LTBP1: variants seen among roughly 807,000 people sequenced by gnomAD.
The protein encoded by LTBP1 is latent-transforming growth factor beta-binding protein 1.
Under a neutral mutation model 207.6 loss-of-function variants are expected in LTBP1, and 129 were observed. The observed-to-expected ratio is 0.62, with a 90% CI of 0.54 to 0.72. The LOEUF is 0.72. Among genes scored for constraint, LTBP1 ranks in the 30% least tolerant of loss-of-function variants. The pLI is 0.00. For missense variants in LTBP1, 2,281 were observed against 2,217.2 expected, an observed-to-expected ratio of 1.03 and a Z score of -0.58; for synonymous variants, 963 against 833.7, an observed-to-expected ratio of 1.16 and a Z score of -2.67.
At chr2:33,323,499 G>A (rs779455765) in intron 24 of LTBP1, among the ~76,000 whole-genome samples, 16 of 152,138 alleles carry the variant, frequency 1.1e-4, no homozygotes, top group Non-Finnish European at 7.4e-5. Context: ...TTACCCAGAT[G>A]TGGTGGCACA....
intron 2 of LTBP1, among the ~76,000 whole-genome samples, chr2:32,993,224 T>C (rs1396592598): frequency 1.3e-5 from 2 of 151,880 alleles, no homozygotes; most frequent in African/African-American, 2.4e-5. Context: ...GCCTGCACTT[T>C]GGCGTGGGTA....
At chr2:33,167,709 A>G (rs1030258384) in intron 5 of LTBP1, among the ~76,000 whole-genome samples, 2 of 152,234 alleles carry the variant, frequency 1.3e-5, no homozygotes, top group African/African-American at 4.8e-5. Context: ...AAGAGGCTGT[A>G]TACAACCGTG....
intron 3 of LTBP1, among the ~76,000 whole-genome samples, chr2:33,097,278 A>G (rs963842107): frequency 6.6e-6 from 1 of 152,222 alleles, no homozygotes; most frequent in Non-Finnish European, 1.5e-5. Context: ...TATTAATAAT[A>G]TAAAGCATCC....
intron 3 of LTBP1, among the ~76,000 whole-genome samples, chr2:33,104,151 T>C (rs2079920656): frequency 6.6e-6 from 1 of 152,160 alleles, no homozygotes; most frequent in African/African-American, 2.4e-5. Context: ...TGGAAAAGTT[T>C]AGTCTGTCTG....
intron 3 of LTBP1, among the ~76,000 whole-genome samples, chr2:33,107,522 A>T (rs2080133916): frequency 6.6e-6 from 1 of 152,158 alleles, no homozygotes; most frequent in Non-Finnish European, 1.5e-5. Flanking sequence ...GTCAAATGTT[A>T]ACTCTTTATA....
At chr2:33,144,733 T>A (rs1359570726) in intron 5 of LTBP1, among the ~76,000 whole-genome samples, 1 of 152,260 alleles carries the variant, frequency 6.6e-6, no homozygotes, top group African/African-American at 2.4e-5. Flanking sequence ...GCACCATTTA[T>A]TGGCATATGA....
intron 3 of LTBP1, among the ~76,000 whole-genome samples, chr2:33,038,516 C>A (rs2076032865): frequency 6.6e-6 from 1 of 152,220 alleles, no homozygotes; most frequent in South Asian, 2.1e-4. Context: ...TCTGGTCGTT[C>A]CTGGCCTGTG....
chr2:33,124,180 G>A (rs937440526), intron 4 of LTBP1, among the ~76,000 whole-genome samples: 2 of 152,178 alleles, frequency 1.3e-5, no homozygotes, highest in African/African-American at 2.4e-5. Flanking sequence ...AGGCCAAGGC[G>A]GGCAGATCAC....
intron 5 of LTBP1, among the ~76,000 whole-genome samples, chr2:33,181,739 C>G (rs1438847121): frequency 6.6e-6 from 1 of 152,214 alleles, no homozygotes; most frequent in Non-Finnish European, 1.5e-5. Context: ...CATGGCTAGC[C>G]TTGTAACCAG....
intron 2 of LTBP1, among the ~76,000 whole-genome samples, chr2:32,996,852 C>T (rs1558491337): frequency 6.6e-6 from 1 of 152,096 alleles, no homozygotes; most frequent in Non-Finnish European, 1.5e-5. Flanking sequence ...CTGCCTCCCG[C>T]ACTGCCCAGG....
At chr2:33,183,196 C>A (rs906831566) in intron 5 of LTBP1, among the ~76,000 whole-genome samples, 1 of 152,210 alleles carries the variant, frequency 6.6e-6, no homozygotes, top group Admixed American at 6.5e-5. Context: ...TCATCCTGTT[C>A]ATTACAGCCA....
rs201936680 is a variant in LTBP1, at chr2:33,215,711, C to CTTTTTTTTTTTTTTTTTTTTTTTT, written c.1702-1837_1702-1836insTTTTTTTTTTTTTTTTTTTTTTTT. On this transcript the variant is annotated intron_variant, in intron 7 of 33. Transcript: ENST00000404816. The stretch of plus-strand genomic sequence containing the variant: ...TGGATGCTAAACTTCCATTGGTTTT[C>CTTTTTTTTTTTTTTTTTTTTTTTT]TTTTGTTTTTTGTTTTTTTTTTTTG... Among the ~76,000 whole-genome samples the CTTTTTTTTTTTTTTTTTTTTTTTT allele has an allele frequency of 1.6e-5, 2 of 125,998 alleles. 1 individual carries two copies. 82.7% of individuals were successfully genotyped at this position (125,998 alleles called of 152,430 possible).
At chr2:32,996,944 G>C (rs373957239) in intron 2 of LTBP1, among the ~76,000 whole-genome samples, 1 of 152,092 alleles carries the variant, frequency 6.6e-6, no homozygotes, top group Non-Finnish European at 1.5e-5. Flanking sequence ...GAGTGCTGTG[G>C]CATAATCTTG....
intron 2 of LTBP1, among the ~76,000 whole-genome samples, chr2:33,007,206 C>T (rs1372906454): frequency 6.6e-6 from 1 of 152,174 alleles, no homozygotes; most frequent in Non-Finnish European, 1.5e-5. Flanking sequence ...GTCTCGAACT[C>T]GTGACCTCAA....
intron 3 of LTBP1, among the ~76,000 whole-genome samples, chr2:33,047,224 C>T (rs1192973180): frequency 6.6e-6 from 1 of 152,144 alleles, no homozygotes; most frequent in Non-Finnish European, 1.5e-5. Context: ...GATTTTAGAT[C>T]TTTCCTGCTT....
rs113946694 is a variant in LTBP1, at chr2:33,009,058, G to A, written c.566-11851G>A. On this transcript the variant is annotated intron_variant, in intron 2 of 33. Coordinates refer to ENST00000404816, the MANE Select transcript of LTBP1 (RefSeq NM_206943.4). ...AAGGGCTTTGCATTTCACTGAGTGA[G>A]GTGGAAGCCTTTGGAGGGTTTGAGG... 1.8e-3 allele frequency among the ~76,000 whole-genome samples: 278 copies of A among 152,308 alleles called. 1 individual carries two copies. Among genetic ancestry groups the A allele is most frequent in the African/African-American group, 6.5e-3 (270 of 41,558 alleles).
At chr2:33,270,078 G>A (rs113763643) in intron 15 of LTBP1, among the ~76,000 whole-genome samples, 4,371 of 150,862 alleles carry the variant, frequency 0.029, 83 homozygotes, top group Non-Finnish European at 0.046. Context: ...CACCACACCT[G>A]GCTAATTTTT....
chr2:32,969,304 G>A (rs1477563960), intron 2 of LTBP1, among the ~76,000 whole-genome samples: 2 of 149,356 alleles, frequency 1.3e-5, no homozygotes, highest in Non-Finnish European at 3.0e-5. Context: ...TTCATTTCAG[G>A]GGCACATGTG....
chr2:33,347,844 A>T (rs2094724895), intron 26 of LTBP1, among the ~76,000 whole-genome samples: 1 of 152,246 alleles, frequency 6.6e-6, no homozygotes, highest in African/African-American at 2.4e-5. Flanking sequence ...GCACCATCTC[A>T]TTAAGTTGCA....
Sources: allele counts gnomAD v4.1 joint callset (sites outside exome capture counted in the v4.1 genomes callset), GRCh38; gene constraint gnomAD v4.1.1; transcripts MANE v1.5; gene names NCBI Gene and HGNC (gene_info 2026-07-23, HGNC 2026-07-21).